TGM3: variants seen among roughly 807,000 people sequenced by gnomAD.
The protein encoded by TGM3 is transglutaminase 3.
In TGM3, 52 loss-of-function variants were observed where a neutral mutation model predicts 73.8. That is an observed-to-expected ratio of 0.70 (90% CI 0.56 to 0.89). The LOEUF (loss-of-function observed/expected upper bound fraction) is 0.89, where lower values mean the gene tolerates loss of function less well. Ranked by LOEUF, TGM3 falls within the 40% of genes least tolerant of loss-of-function variation. The pLI, the probability that TGM3 is intolerant of heterozygous loss-of-function variation, is 0.00. For missense variants in TGM3, 928 were observed against 909.9 expected (o/e 1.02, Z -0.26); for synonymous variants, 372 against 354.9 (o/e 1.05, Z -0.54).
rs1000164159 is a variant in TGM3, at chr20:2,334,484, G to C, written c.1643-632G>C. ...TAGAGACCAGACCAGAGGAATGAAG[G>C]GGATGCTGTGGCAGTAGAACCCCAG... On this transcript the variant is annotated intron_variant, in intron 10 of 12. Coordinates refer to ENST00000381458, the MANE Select transcript of TGM3 (RefSeq NM_003245.4). This position sits in a 1 kb window ranked among gnomAD's most constrained non-coding sequence, Gnocchi z 4.0. 1.2e-4 allele frequency among the ~76,000 whole-genome samples: 18 copies of C among 152,206 alleles called. No homozygotes were observed. The highest frequency in any genetic ancestry group is 2.5e-4 in the Non-Finnish European group (17 of 68,034).
intron 5 of TGM3, among the ~76,000 whole-genome samples, chr20:2,315,251 T>G (rs1464594799): frequency 6.6e-6 from 1 of 152,224 alleles, no homozygotes; most frequent in Non-Finnish European, 1.5e-5. Flanking sequence ...TCCCAGATGC[T>G]CTATTCAGAC....
At chr20:2,337,065 C>G (rs186943467) in intron 11 of TGM3, among the ~76,000 whole-genome samples, 174 of 152,292 alleles carry the variant, frequency 1.1e-3, no homozygotes, top group African/African-American at 4.1e-3. Flanking sequence ...ACCGTAAACT[C>G]CATGAGGGCA....
At chr20:2,318,633 T>G (rs1192029105) in intron 7 of TGM3, among the ~76,000 whole-genome samples, 2 of 152,252 alleles carry the variant, frequency 1.3e-5, no homozygotes, top group Admixed American at 6.5e-5. Context: ...TCTATTGTTT[T>G]AATCCATTTC....
chr20:2,306,372 C>T (rs1354181287), intron 1 of TGM3, among the ~76,000 whole-genome samples: 1 of 151,912 alleles, frequency 6.6e-6, no homozygotes, highest in African/African-American at 2.4e-5. Context: ...GGCTCAAGTG[C>T]TCTGAAACCA....
intron 7 of TGM3, among the ~76,000 whole-genome samples, chr20:2,321,873 C>T (rs140045358): frequency 6.6e-6 from 1 of 152,218 alleles, no homozygotes; most frequent in Admixed American, 6.5e-5. Context: ...AGGGAGGAAC[C>T]AGGATGCAGT....
At chr20:2,321,019 G>C (rs1027791366) in intron 7 of TGM3, among the ~76,000 whole-genome samples, 4 of 152,150 alleles carry the variant, frequency 2.6e-5, no homozygotes, top group African/African-American at 7.2e-5. Flanking sequence ...CCACACCTCA[G>C]CCAAGCCCCT....
At chr20:2,313,457 G>C (rs565033204) in intron 5 of TGM3, among the ~76,000 whole-genome samples, 1 of 152,126 alleles carries the variant, frequency 6.6e-6, no homozygotes, top group East Asian at 1.9e-4. Flanking sequence ...CTCTTCCACA[G>C]CCCAGAGCAC....
intron 7 of TGM3, 39 bp from the exon 8 acceptor site, chr20:2,325,810 G>A (rs1329688689): frequency 4.2e-6 from 6 of 1,440,484 alleles, no homozygotes; most frequent in Non-Finnish European, 2.9e-6. Context: ...CTGCTGTGTG[G>A]TCTTGGGCAA....
At chr20:2,327,503 G>C (rs1568630649) in intron 8 of TGM3, among the ~76,000 whole-genome samples, 2 of 152,054 alleles carry the variant, frequency 1.3e-5, no homozygotes, top group Non-Finnish European at 2.9e-5. Flanking sequence ...AAACAAAAAA[G>C]ATATAGTTAG....
chr20:2,300,232 GA>G (rs963351916), intron 1 of TGM3, among the ~76,000 whole-genome samples: 2 of 37,996 alleles, frequency 5.3e-5, no homozygotes, highest in African/African-American at 8.5e-5. Context: ...AAGAAAGAAA[GA>G]AAAAAAGAAA....
At chr20:2,316,036 TTA>T (rs2084231453) in intron 5 of TGM3, among the ~76,000 whole-genome samples, 1 of 152,208 alleles carries the variant, frequency 6.6e-6, no homozygotes, top group Non-Finnish European at 1.5e-5. Context: ...ATCTTAGACA[TTA>T]CACATTTGTC....
rs201851703 is a variant in TGM3, at chr20:2,335,254, A to G, written c.1781A>G (p.Asn594Ser). The change falls in exon 11 of 13, where the codon AAC (asparagine) becomes AGC (serine). Residue 594 changes from asparagine (N) to serine (S), a missense_variant. By Grantham distance (46) the Asn-to-Ser change is conservative. Transcript: ENST00000381458. Reference protein sequence around the residue: ...VVVERDIILDNPTLTLEVLNE... With the variant: ...VVVERDIILDSPTLTLEVLNE... ...GTGGAGCGGGACATCATCCTGGACAACCCCACCTTGACCCTGGAGGTAATG... is the reference window on the plus strand; with the variant it reads ...GTGGAGCGGGACATCATCCTGGACAGCCCCACCTTGACCCTGGAGGTAATG... 4 of 1,613,954 alleles carry G rather than the reference A, an allele frequency of 2.5e-6. No homozygotes were observed. In the East Asian group the frequency reaches 8.9e-5, roughly 36 times the overall value.
chr20:2,340,875 T>C lies in TGM3; in HGVS notation c.*294T>C. On this transcript the variant is annotated 3_prime_UTR_variant, in exon 13 of 13. Transcript: ENST00000381458. ...GCTCATTCCTCACGCCCTTCAATGC[T>C]GCAGGATGGACTGGCCCCTGACCCA... 1.8e-6 allele frequency: 1 copy of C among 541,098 alleles called. No individual in the cohort carries two copies. The highest frequency in any genetic ancestry group is 3.5e-6 in the Non-Finnish European group (1 of 282,570). The allele number at this position is 541,098 out of a possible 1,614,324, so 33.5% of individuals were successfully genotyped here. A position where few individuals can be genotyped will look rare whatever the true frequency, so the allele number is the denominator to read the frequency against.
intron 7 of TGM3, among the ~76,000 whole-genome samples, 163 bp downstream of exon 7, chr20:2,317,648 G>C (rs1028506522): frequency 6.6e-6 from 1 of 151,840 alleles, no homozygotes; most frequent in Non-Finnish European, 1.5e-5. Flanking sequence ...TACACACTTA[G>C]CAGCACCCAA....
Position 2,309,820 on chromosome 20 carries a change from T to C in TGM3, c.171T>C (p.Ile57=). 1 of 1,614,216 alleles carries C rather than the reference T, an allele frequency of 6.2e-7. No individual in the cohort carries two copies. The highest frequency in any genetic ancestry group is 8.5e-7 in the Non-Finnish European group (1 of 1,180,030). ...GCTCTAACGAAAGACTGGAGTTCAT[T>C]GTCTCCACAGGTACCTGCTCATTCC... ...GLGSNERLEF[I]VSTGPYPSES... is the part of the protein sequence containing the mutation. Residue 57 remains isoleucine (I), a synonymous_variant, in exon 2 of 13, where the codon ATT becomes ATC. Transcript: ENST00000381458.
At chr20:2,330,357 C>T (rs913122746) in intron 9 of TGM3, among the ~76,000 whole-genome samples, 5 of 152,334 alleles carry the variant, frequency 3.3e-5, no homozygotes, top group Admixed American at 1.3e-4. Context: ...ACAGAAGGCT[C>T]AGATCCGTGC....
At position 2,340,427 on chromosome 20, in the gene TGM3, C is replaced by T. The variant is rs921707041; in HGVS notation, c.1935-7C>T. The T allele has an allele frequency of 6.2e-7, 1 of 1,613,968 alleles. No individual in the cohort carries two copies. Reference sequence around the variant, plus strand: ...GTATCAACACTGATCTGTGCCCTCCCCATCAGCGTGCCGACCCTAGGGCCC... The same window carrying T: ...GTATCAACACTGATCTGTGCCCTCCTCATCAGCGTGCCGACCCTAGGGCCC... On this transcript the variant is annotated splice_region_variant and splice_polypyrimidine_tract_variant and intron_variant, in intron 12 of 12. Transcript: ENST00000381458.
chr20:2,309,252 C>A lies in TGM3; in HGVS notation c.8-405C>A, dbSNP rs2084190203. Among the ~76,000 whole-genome samples the A allele has an allele frequency of 1.3e-5, 2 of 152,210 alleles. 1 individual carries two copies. The highest frequency in any genetic ancestry group is 4.1e-4 in the South Asian group (2 of 4,824). On this transcript the variant is annotated intron_variant, in intron 1 of 12. Coordinates refer to ENST00000381458, the MANE Select transcript of TGM3 (RefSeq NM_003245.4). ...GCTGAAAGCAGACAGAACGTAGGTG[C>A]TCTGGTGACATGTACTCCTCATTGA...
Position 2,332,487 on chromosome 20 carries a change from ATGCCAACCAAATGTCAGGGTGG to A in TGM3, c.1642+189_1642+210del, listed in dbSNP as rs2084326883. ...AGTTTCTGTCTCTATGAACAGAGTG[ATGCCAACCAAATGTCAGGGTGG>A]TGCCAACCAAAATCCTTTTACGCCC... On this transcript the variant is annotated intron_variant, in intron 10 of 12. Coordinates refer to ENST00000381458, the MANE Select transcript of TGM3 (RefSeq NM_003245.4). This position sits in a 1 kb window ranked among gnomAD's most constrained non-coding sequence, Gnocchi z 4.4. Among the ~76,000 whole-genome samples the A allele has an allele frequency of 1.3e-5, 2 of 152,184 alleles. No homozygotes were observed.
Sources: allele counts gnomAD v4.1 joint callset (sites outside exome capture counted in the v4.1 genomes callset), GRCh38; gene constraint gnomAD v4.1.1; non-coding constraint Gnocchi (gnomAD v3.1); transcripts MANE v1.5; gene names NCBI Gene and HGNC (gene_info 2026-07-23, HGNC 2026-07-21).